The following PLPP3 variants were observed in gnomAD, a reference collection of about 807,000 sequenced individuals.
PLPP3 encodes phospholipid phosphatase 3.
A neutral mutation model predicts 29.6 loss-of-function variants in PLPP3; 6 were observed. The observed-to-expected ratio is 0.20, with a 90% CI of 0.11 to 0.40. The LOEUF (loss-of-function observed/expected upper bound fraction) is 0.40, where lower values mean the gene tolerates loss of function less well. Ranked by LOEUF, PLPP3 falls within the 10% of genes least tolerant of loss-of-function variation. The pLI, the probability that PLPP3 is intolerant of heterozygous loss-of-function variation, is 1.00. For synonymous variants in PLPP3, 152 were observed against 159.7 expected (o/e 0.95, Z 0.36); for missense variants, 308 against 407.7 (o/e 0.76, Z 2.11).
rs373078684 is a variant in PLPP3, at chr1:56,553,393, T to G, written c.140-16281A>C. On this transcript the variant is annotated intron_variant, in intron 1 of 5. Coordinates refer to ENST00000371250, the MANE Select transcript of PLPP3 (RefSeq NM_003713.5). ...CTGGGGTATGGGAGCTTTAGTTAGC[T>G]GGCTCCTGCTAACCCAGGTGTGACC... Among the ~76,000 whole-genome samples the G allele has an allele frequency of 3.1e-4, 47 of 152,294 alleles. No homozygotes were observed. In the East Asian group the frequency reaches 7.2e-3, roughly 23 times the overall value.
chr1:56,510,109 G>A (rs1468873814), intron 5 of PLPP3, among the ~76,000 whole-genome samples: 1 of 152,094 alleles, frequency 6.6e-6, no homozygotes, highest in Non-Finnish European at 1.5e-5. Flanking sequence ...TTTTAACTGG[G>A]GGTGCAGGGG....
At chr1:56,552,251 GAGAT>G (rs1006965989) in intron 1 of PLPP3, among the ~76,000 whole-genome samples, 27 of 151,336 alleles carry the variant, frequency 1.8e-4, no homozygotes, top group African/African-American at 5.8e-4. Context: ...GAAAGAAGGA[GAGAT>G]AGATAGATAG....
intron 1 of PLPP3, among the ~76,000 whole-genome samples, chr1:56,562,932 GGCATGT>G (rs1229958443): frequency 6.6e-6 from 1 of 152,164 alleles, no homozygotes; most frequent in Non-Finnish European, 1.5e-5. Context: ...TGGACTCACA[GGCATGT>G]GCTTATCTGT....
At chr1:56,536,189 C>T (rs577822814) in intron 2 of PLPP3, among the ~76,000 whole-genome samples, 58 of 152,286 alleles carry the variant, frequency 3.8e-4, no homozygotes, top group South Asian at 1.7e-3. Context: ...CCTGTTCAAA[C>T]CTCAATACAT....
chr1:56,528,932 C>T (rs1244423559), intron 2 of PLPP3, among the ~76,000 whole-genome samples: 1 of 151,210 alleles, frequency 6.6e-6, no homozygotes, highest in Non-Finnish European at 1.5e-5. Flanking sequence ...TTTTAACATT[C>T]CACTCTATTT....
At chr1:56,535,976 T>G (rs1339374373) in intron 2 of PLPP3, among the ~76,000 whole-genome samples, 2 of 152,156 alleles carry the variant, frequency 1.3e-5, no homozygotes, top group South Asian at 4.1e-4. Flanking sequence ...CTAATTCACA[T>G]AGCTACGAGA....
At chr1:56,571,317 C>T (rs911042384) in intron 1 of PLPP3, among the ~76,000 whole-genome samples, 5 of 152,152 alleles carry the variant, frequency 3.3e-5, no homozygotes, top group Admixed American at 1.3e-4. Flanking sequence ...GTCCCCACCA[C>T]GTCACAGTGC....
chr1:56,504,111 A>G (rs1220613144), intron 5 of PLPP3, among the ~76,000 whole-genome samples: 2 of 152,216 alleles, frequency 1.3e-5, no homozygotes, highest in Non-Finnish European at 1.5e-5. Flanking sequence ...GCTATTGAGG[A>G]ATGTGAAGAA....
intron 1 of PLPP3, among the ~76,000 whole-genome samples, chr1:56,576,257 CTG>C (rs1408153707): frequency 6.6e-6 from 1 of 151,772 alleles, no homozygotes; most frequent in African/African-American, 2.4e-5. Context: ...AAACAGAAAA[CTG>C]TCTCTCTTCT....
intron 4 of PLPP3, chr1:56,513,522 A>G (rs1645760062): frequency 6.6e-6 from 1 of 152,478 alleles, no homozygotes. Flanking sequence ...CGGTGGCAAG[A>G]AAAGAGCAAG....
At chr1:56,534,611 C>G (rs2100263179) in intron 2 of PLPP3, among the ~76,000 whole-genome samples, 1 of 152,262 alleles carries the variant, frequency 6.6e-6, no homozygotes, top group Middle Eastern at 3.4e-3. Context: ...CTAATCAGAA[C>G]CGGGTTCTGG....
intron 5 of PLPP3, among the ~76,000 whole-genome samples, chr1:56,504,977 A>G (rs1040658003): frequency 6.6e-6 from 1 of 152,200 alleles, no homozygotes; most frequent in African/African-American, 2.4e-5. Context: ...TTAATAGAAA[A>G]TATCAGAATT....
At chr1:56,534,290 A>G (rs1202891726) in intron 2 of PLPP3, among the ~76,000 whole-genome samples, 2 of 152,196 alleles carry the variant, frequency 1.3e-5, no homozygotes, top group Admixed American at 6.5e-5. Flanking sequence ...AATCTGAGAT[A>G]CATCTGAAAA....
intron 1 of PLPP3, among the ~76,000 whole-genome samples, chr1:56,573,952 A>G (rs1646217493): frequency 6.6e-6 from 1 of 152,202 alleles, no homozygotes; most frequent in Admixed American, 6.5e-5. Context: ...CTGTAATCCC[A>G]GCACTTTGGG....
chr1:56,525,238 G>A (rs1341605728), intron 2 of PLPP3, among the ~76,000 whole-genome samples: 2 of 152,230 alleles, frequency 1.3e-5, no homozygotes, highest in East Asian at 1.9e-4. Context: ...AGAAAGTGAT[G>A]CTTTTACTTT....
intron 4 of PLPP3, among the ~76,000 whole-genome samples, chr1:56,523,261 T>C (rs1048573906): frequency 1.3e-5 from 2 of 152,190 alleles, no homozygotes; most frequent in African/African-American, 4.8e-5. Flanking sequence ...CCGTAGAATA[T>C]AGAGGACTGA....
At chr1:56,497,338 A>C (rs934260751) in intron 5 of PLPP3, among the ~76,000 whole-genome samples, 6 of 152,238 alleles carry the variant, frequency 3.9e-5, no homozygotes, top group Non-Finnish European at 5.9e-5. Flanking sequence ...ATACTTGAGA[A>C]ACATTTATTG....
intron 2 of PLPP3, among the ~76,000 whole-genome samples, chr1:56,525,596 G>A (rs527988947): frequency 5.9e-4 from 90 of 152,048 alleles, no homozygotes; most frequent in Middle Eastern, 3.2e-3. Flanking sequence ...AAATGCCTAT[G>A]ATGTGCACAA....
At chr1:56,508,606 C>G (rs12406517) in intron 5 of PLPP3, among the ~76,000 whole-genome samples, 47,008 of 152,028 alleles carry the variant, frequency 0.31, 7,590 homozygotes, top group Non-Finnish European at 0.35. Flanking sequence ...GAGAACTTTG[C>G]TCCTTCCTGG....
Sources: gnomAD v4.1 joint callset for allele counts (sites outside exome capture counted in the v4.1 genomes callset) on GRCh38, gnomAD v4.1.1 for gene constraint, MANE v1.5 for transcripts, NCBI Gene and HGNC (gene_info 2026-07-23, HGNC 2026-07-21) for gene names.